Variants in PSMB2 observed in about 807,000 individuals in gnomAD.
PSMB2 encodes the protein proteasome 20S subunit beta 2.
Under a neutral mutation model 25.7 loss-of-function variants are expected in PSMB2, and 13 were observed. The ratio of observed to expected loss-of-function variants is 0.51; its 90% CI spans 0.33 to 0.80. The LOEUF (loss-of-function observed/expected upper bound fraction) is 0.80. Ranked by LOEUF, PSMB2 falls within the 30% of genes least tolerant of loss-of-function variation. PSMB2 has a pLI of 0.02. For synonymous variants in PSMB2, 87 were observed against 96.2 expected (o/e 0.90, Z 0.56); for missense variants, 202 against 259.0 (o/e 0.78, Z 1.51).
At chr1:35,619,065 C>G (rs1204741972) in intron 3 of PSMB2, among the ~76,000 whole-genome samples, 1 of 152,068 alleles carries the variant, frequency 6.6e-6, no homozygotes, top group African/African-American at 2.4e-5. Flanking sequence ...CAATTTTTTC[C>G]TTTTTCTTTT....
At chr1:35,640,087 A>ATACTATACTGTACTGTACTGTACTG (rs1553126269) in intron 1 of PSMB2, among the ~76,000 whole-genome samples, 9 of 151,668 alleles carry the variant, frequency 5.9e-5, no homozygotes, top group African/African-American at 2.2e-4. Flanking sequence ...ATACTATACT[A>ATACTATACTGTACTGTACTGTACTG]TACTATACTA....
intron 1 of PSMB2, 75 bp downstream of exon 1, chr1:35,641,241 CATCTCTCAGATCCTCCCTGGTACTTA>C: frequency 6.9e-7 from 1 of 1,444,450 alleles, no homozygotes; most frequent in Non-Finnish European, 9.5e-7. Context: ...GGCCGGCTTC[CATCTCTCAGATCCTCCCTGGTACTTA>C]TTCAACCCCC....
At chr1:35,606,439 C>A (rs1204267980) in intron 4 of PSMB2, among the ~76,000 whole-genome samples, 2 of 151,986 alleles carry the variant, frequency 1.3e-5, no homozygotes, top group Non-Finnish European at 2.9e-5. Flanking sequence ...ATCCCATTTA[C>A]AATAGACACA....
chr1:35,628,589 A>T (rs1417463992), intron 3 of PSMB2, among the ~76,000 whole-genome samples: 20 of 21,392 alleles, frequency 9.3e-4, no homozygotes, highest in African/African-American at 3.2e-3. Context: ...AAAAAAAAAA[A>T]AAAAAAAATA....
intron 3 of PSMB2, among the ~76,000 whole-genome samples, chr1:35,628,063 G>T (rs935916678): frequency 1.3e-5 from 2 of 152,074 alleles, no homozygotes; most frequent in African/African-American, 2.4e-5. Context: ...CACTTATTAG[G>T]AACACTGACA....
At chr1:35,603,461 C>T (rs376450235) in intron 5 of PSMB2, 87 bp from the exon 6 acceptor site, 1 of 1,470,806 alleles carries the variant, frequency 6.8e-7, no homozygotes, top group East Asian at 2.3e-5. Flanking sequence ...GGGATACAAG[C>T]AAACAAAAAT....
At chr1:35,610,435 A>G (rs1397619013) in intron 3 of PSMB2, among the ~76,000 whole-genome samples, 1 of 151,832 alleles carries the variant, frequency 6.6e-6, no homozygotes, top group Non-Finnish European at 1.5e-5. Context: ...AAAAAGAGAA[A>G]GAGAGAGAAA....
At chr1:35,607,805 G>C (rs530592543) in intron 4 of PSMB2, among the ~76,000 whole-genome samples, 1 of 152,082 alleles carries the variant, frequency 6.6e-6, no homozygotes, top group Non-Finnish European at 1.5e-5. Context: ...CTAGGTGTCC[G>C]AGAACAGATC....
intron 3 of PSMB2, among the ~76,000 whole-genome samples, chr1:35,617,091 C>T (rs1650511638): frequency 6.6e-6 from 1 of 152,100 alleles, no homozygotes; most frequent in African/African-American, 2.4e-5. Flanking sequence ...TTCTGTTGCC[C>T]AGGCTAGAGT....
intron 1 of PSMB2, among the ~76,000 whole-genome samples, chr1:35,639,151 G>A (rs1390765049): frequency 1.3e-5 from 2 of 152,166 alleles, no homozygotes; most frequent in African/African-American, 4.8e-5. Context: ...CTACTTGGAA[G>A]GCCGAGGCAG....
chr1:35,613,724 G>A (rs1202115020), intron 3 of PSMB2, among the ~76,000 whole-genome samples: 1 of 152,166 alleles, frequency 6.6e-6, no homozygotes, highest in East Asian at 1.9e-4. Flanking sequence ...CAGGCATTCA[G>A]AACTGAACAA....
chr1:35,619,539 G>A (rs1408915069), intron 3 of PSMB2, among the ~76,000 whole-genome samples: 5 of 152,186 alleles, frequency 3.3e-5, no homozygotes. Context: ...TCGTGTTAAA[G>A]TTCCTGGAAG....
intron 2 of PSMB2, among the ~76,000 whole-genome samples, chr1:35,634,602 T>C (rs1651193933): frequency 6.6e-6 from 1 of 152,152 alleles, no homozygotes; most frequent in Admixed American, 6.5e-5. Context: ...GGTTTCAAAC[T>C]CCTGACCTCA....
intron 1 of PSMB2, 106 bp from the exon 2 acceptor site, chr1:35,636,538 T>C (rs1169547922): frequency 3.9e-6 from 5 of 1,278,714 alleles, no homozygotes; most frequent in Middle Eastern, 2.0e-4. Flanking sequence ...TGGCCTTCCA[T>C]ATACATGGAT....
intron 5 of PSMB2, 72 bp from the exon 6 acceptor site, chr1:35,603,446 C>T (rs879661387): frequency 1.3e-6 from 2 of 1,541,100 alleles, no homozygotes; most frequent in South Asian, 2.4e-5. Context: ...CTGTTCTAGA[C>T]ACTGGGGATA....
chr1:35,620,462 A>C (rs80341682), intron 3 of PSMB2, among the ~76,000 whole-genome samples: 5,866 of 152,044 alleles, frequency 0.039, 352 homozygotes, highest in African/African-American at 0.12. Flanking sequence ...TCATGCTAAC[A>C]CCCTCTTAGC....
chr1:35,627,828 C>T (rs753359741), intron 3 of PSMB2, among the ~76,000 whole-genome samples: 2 of 152,174 alleles, frequency 1.3e-5, no homozygotes, highest in Non-Finnish European at 2.9e-5. Flanking sequence ...AACCACAATG[C>T]TAAATTGCCT....
Position 35,600,547 on chromosome 1 carries a change from G to T in PSMB2, c.*2720C>A. ...AATGATGCCTGGGTTTCTGACTTGG[G>T]CACTTGGGAAACCAGGTAGCTCTAA... On this transcript the variant is annotated 3_prime_UTR_variant, in exon 6 of 6. Coordinates refer to ENST00000373237, the MANE Select transcript of PSMB2 (RefSeq NM_002794.5). 1 of 985,322 alleles carries T rather than the reference G, an allele frequency of 1.0e-6. No homozygotes were observed. The highest frequency in any genetic ancestry group is 1.2e-6 in the Non-Finnish European group (1 of 829,828). The allele number at this position is 985,322 out of a possible 1,614,324, so 61.0% of individuals were successfully genotyped here.
chr1:35,636,250 C>T, intron 2 of PSMB2, 60 bp downstream of exon 2: 1 of 1,598,500 alleles, frequency 6.3e-7, no homozygotes, highest in South Asian at 1.1e-5. Context: ...CAGTCTGTGA[C>T]TTTAGTAATG....
Sources: gnomAD v4.1 joint callset for allele counts (sites outside exome capture counted in the v4.1 genomes callset) on GRCh38, gnomAD v4.1.1 for gene constraint, MANE v1.5 for transcripts, NCBI Gene and HGNC (gene_info 2026-07-23, HGNC 2026-07-21) for gene names.